Variants in DOCK1 observed in about 807,000 individuals in gnomAD.
DOCK1 encodes dedicator of cytokinesis 1.
A neutral mutation model predicts 262.7 loss-of-function variants in DOCK1; 138 were observed. The observed-to-expected ratio is 0.53, with a 90% CI of 0.46 to 0.61. The LOEUF (loss-of-function observed/expected upper bound fraction) is 0.61, where lower values mean the gene tolerates loss of function less well. Among genes scored for constraint, DOCK1 ranks in the 20% least tolerant of loss-of-function variants. The probability of loss-of-function intolerance (pLI) is 0.00; values close to 1 mark genes in which losing one functional copy is unlikely to be tolerated. For synonymous variants in DOCK1, 866 were observed against 867.4 expected (o/e 1.00, Z 0.03); for missense variants, 1,908 against 2,370.7 (o/e 0.80, Z 4.05).
intron 38 of DOCK1, among the ~76,000 whole-genome samples, chr10:127,398,570 C>G (rs1230088522): frequency 6.6e-6 from 1 of 152,192 alleles, no homozygotes; most frequent in Non-Finnish European, 1.5e-5. Context: ...ATGTCAGAGA[C>G]CTGTGTGGGA....
At chr10:127,358,188 T>C (rs1032785543) in intron 32 of DOCK1, among the ~76,000 whole-genome samples, 4 of 152,114 alleles carry the variant, frequency 2.6e-5, no homozygotes, top group Admixed American at 6.5e-5. Context: ...CTTCAGTCTT[T>C]CCAATAGTAT....
In DOCK1 at chr10:126,945,221, C is replaced by CG. The variant is rs1366158332; in HGVS notation, c.47-25476dup. Among the ~76,000 whole-genome samples, 53 of 152,150 alleles carry CG rather than the reference C, an allele frequency of 3.5e-4. 3 individuals carry two copies. Among genetic ancestry groups the CG allele is most frequent in the Non-Finnish European group, 7.4e-5 (5 of 68,012 alleles). Reference sequence around the variant, plus strand: ...TGAAGGGCTGTATTTAAGGTGTCCACGGGGGACAGAGTCATTTCAGGGTCT... The same window carrying CG: ...TGAAGGGCTGTATTTAAGGTGTCCACGGGGGGACAGAGTCATTTCAGGGTCT... On this transcript the variant is annotated intron_variant, in intron 1 of 51. Coordinates refer to ENST00000623213, the MANE Select transcript of DOCK1 (RefSeq NM_001290223.2).
At chr10:127,126,146 G>A (rs2049943340) in intron 26 of DOCK1, among the ~76,000 whole-genome samples, 1 of 150,378 alleles carries the variant, frequency 6.6e-6, no homozygotes, top group Admixed American at 6.6e-5. Context: ...CCAGGCTAGA[G>A]TGCAGTGGCA....
chr10:127,408,945 C>A, intron 40 of DOCK1, 92 bp from the exon 41 acceptor site: 2 of 1,430,650 alleles, frequency 1.4e-6, no homozygotes, highest in Non-Finnish European at 9.2e-7. Context: ...TTGTAAGAAC[C>A]CGTAAGGCAT....
chr10:127,092,167 G>T (rs995148467), intron 23 of DOCK1, among the ~76,000 whole-genome samples: 2 of 152,216 alleles, frequency 1.3e-5, no homozygotes, highest in African/African-American at 4.8e-5. Flanking sequence ...AGTTCTGCTG[G>T]TCAGGTCTGG....
chr10:127,000,522 A>G, intron 10 of DOCK1: 1 of 642,674 alleles, frequency 1.6e-6, no homozygotes, highest in South Asian at 2.6e-5. Context: ...GATATAAATC[A>G]TATATTTGGT....
At chr10:127,116,559 C>T (rs984741234) in intron 25 of DOCK1, among the ~76,000 whole-genome samples, 2 of 152,090 alleles carry the variant, frequency 1.3e-5, no homozygotes, top group African/African-American at 4.8e-5. Context: ...TATTAATAAA[C>T]TTATTATGCC....
intron 2 of DOCK1, among the ~76,000 whole-genome samples, chr10:126,973,839 C>T (rs2038301297): frequency 6.6e-6 from 1 of 152,062 alleles, no homozygotes; most frequent in Non-Finnish European, 1.5e-5. Flanking sequence ...CTTGGCTCTC[C>T]TTTTCCTCTA....
chr10:127,279,012 T>C (rs1304440753), intron 29 of DOCK1, among the ~76,000 whole-genome samples: 2 of 152,234 alleles, frequency 1.3e-5, no homozygotes, highest in Non-Finnish European at 2.9e-5. Context: ...GTCTGGGTTT[T>C]CCAGAAATAC....
At chr10:126,966,765 C>T (rs937016320) in intron 1 of DOCK1, among the ~76,000 whole-genome samples, 2 of 152,098 alleles carry the variant, frequency 1.3e-5, no homozygotes, top group Non-Finnish European at 2.9e-5. Flanking sequence ...AAGATCCACT[C>T]ACTGTAGGCT....
At chr10:127,263,978 T>C (rs1205959763) in intron 29 of DOCK1, among the ~76,000 whole-genome samples, 1 of 152,232 alleles carries the variant, frequency 6.6e-6, no homozygotes, top group African/African-American at 2.4e-5. Context: ...AATCCCTTTG[T>C]CACCTCGAAG....
At chr10:127,204,937 C>T (rs1049616146) in intron 27 of DOCK1, among the ~76,000 whole-genome samples, 3 of 152,150 alleles carry the variant, frequency 2.0e-5, no homozygotes, top group African/African-American at 7.2e-5. Flanking sequence ...TGTGGGTGGC[C>T]TGGCTCTGTT....
rs1412935774 is a variant in DOCK1, at chr10:127,052,729, G to A, written c.2250G>A (p.Pro750=). 6 of 1,613,770 alleles carry A rather than the reference G, an allele frequency of 3.7e-6. No individual in the cohort carries two copies. Among genetic ancestry groups the A allele is most frequent in the African/African-American group, 1.3e-5 (1 of 74,886 alleles). ...ACTACGTGGACGGTGCTGAGAAGCCGGGAGTAAATGAGCAGCTGTACAAAG... is the reference window on the plus strand; with the variant it reads ...ACTACGTGGACGGTGCTGAGAAGCCAGGAGTAAATGAGCAGCTGTACAAAG... ...LKNYVDGAEK[P]GVNEQLYKAM... Residue 750 remains proline (P), a synonymous_variant, in exon 22 of 52, where the codon CCG becomes CCA. Coordinates refer to ENST00000623213, the MANE Select transcript of DOCK1 (RefSeq NM_001290223.2).
intron 31 of DOCK1, among the ~76,000 whole-genome samples, chr10:127,345,488 A>G (rs2063591306): frequency 6.6e-6 from 1 of 152,166 alleles, no homozygotes; most frequent in Non-Finnish European, 1.5e-5. Context: ...GTCTGCACCT[A>G]TCTAAGTAAA....
chr10:127,026,485 G>A, intron 16 of DOCK1, 61 bp downstream of exon 16: 4 of 1,459,152 alleles, frequency 2.7e-6, no homozygotes, highest in Admixed American at 4.0e-5. Context: ...GGGAAAGCGC[G>A]AGAGGCCACT....
chr10:127,389,939 G>A (rs965956145), intron 38 of DOCK1, among the ~76,000 whole-genome samples: 4 of 151,746 alleles, frequency 2.6e-5, no homozygotes, highest in Admixed American at 1.3e-4. Flanking sequence ...GCTTGAACCT[G>A]GGAGGCGGAG....
intron 29 of DOCK1, among the ~76,000 whole-genome samples, chr10:127,303,500 G>C (rs1298326373): frequency 6.6e-6 from 1 of 151,942 alleles, no homozygotes; most frequent in East Asian, 1.9e-4. Flanking sequence ...TACTTTCTGA[G>C]CTAGGCACTG....
chr10:127,318,475 TAGCCTCCTGGGGAGAGGCAGC>T (rs1486608019), intron 29 of DOCK1, among the ~76,000 whole-genome samples: 2 of 152,130 alleles, frequency 1.3e-5, no homozygotes, highest in African/African-American at 4.8e-5. Context: ...CAGGAGGCAG[TAGCCTCCTGGGGAGAGGCAGC>T]AGCATGTGCA....
chr10:126,996,905 G>A (rs763327757), intron 7 of DOCK1, 22 bp downstream of exon 7: 6 of 1,559,730 alleles, frequency 3.8e-6, no homozygotes, highest in South Asian at 3.7e-5. Context: ...TCTGTCATAT[G>A]CCATTCACGT....
Sources: gnomAD v4.1 joint callset for allele counts (sites outside exome capture counted in the v4.1 genomes callset) on GRCh38, gnomAD v4.1.1 for gene constraint, MANE v1.5 for transcripts, NCBI Gene and HGNC (gene_info 2026-07-23, HGNC 2026-07-21) for gene names.